The following UGP2 variants were observed in gnomAD, a reference collection of about 807,000 sequenced individuals.
The protein encoded by UGP2 is UDP-glucose pyrophosphorylase 2.
A neutral mutation model predicts 49.0 loss-of-function variants in UGP2; 40 were observed. That is an observed-to-expected ratio of 0.82 (90% confidence interval 0.63 to 1.06). The LOEUF (loss-of-function observed/expected upper bound fraction) is 1.06, where lower values mean the gene tolerates loss of function less well. Ranked by LOEUF, UGP2 falls within the 50% of genes least tolerant of loss-of-function variation. UGP2 has a pLI of 0.00. For missense variants in UGP2, 460 were observed against 603.5 expected (o/e 0.76, Z 2.49); for synonymous variants, 225 against 213.0 (o/e 1.06, Z -0.49).
intron 2 of UGP2, chr2:63,856,873 A>C (rs62136367): frequency 0.027 from 12,377 of 454,902 alleles, 304 homozygotes; most frequent in South Asian, 0.068. Context: ...TTTTACTTGT[A>C]AATCAATAGG....
chr2:63,885,592 C>A lies in UGP2; in HGVS notation c.579C>A (p.Tyr193Ter). ...VKIYTFNQSR[Y>*]PRINKESLLP... ...AAGAACTTTTTTTTTTTTAAAGGTA[C>A]CCGAGGATTAATAAAGAATCTTTAC... Residue 193 changes from tyrosine to a stop codon, truncating the protein, a stop_gained, in exon 6 of 10, where the codon TAC (tyrosine) becomes TAA (stop). Transcript: ENST00000337130. LOFTEE classifies it high-confidence loss of function. 6.5e-7 allele frequency: 1 copy of A among 1,538,326 alleles called. No individual in the cohort carries two copies. The highest frequency in any genetic ancestry group is 1.3e-5 in the South Asian group (1 of 79,050).
intron 1 of UGP2, among the ~76,000 whole-genome samples, chr2:63,844,938 G>A (rs1383465195): frequency 2.0e-5 from 3 of 152,138 alleles, no homozygotes; most frequent in Admixed American, 6.5e-5. Context: ...ATTAACAACT[G>A]TGGAAATGGC....
intron 3 of UGP2, among the ~76,000 whole-genome samples, chr2:63,877,236 A>C (rs1208366724): frequency 2.0e-5 from 3 of 152,222 alleles, no homozygotes; most frequent in African/African-American, 7.2e-5. Flanking sequence ...TTGTTGGAGG[A>C]GCAAGATATT....
At chr2:63,861,002 T>C (rs1224147570) in intron 3 of UGP2, among the ~76,000 whole-genome samples, 1 of 152,070 alleles carries the variant, frequency 6.6e-6, no homozygotes. Flanking sequence ...AGTGAGTACA[T>C]AGATGTTTTG....
intron 3 of UGP2, among the ~76,000 whole-genome samples, chr2:63,863,884 A>G (rs529882549): frequency 6.6e-6 from 1 of 152,230 alleles, no homozygotes; most frequent in East Asian, 1.9e-4. Flanking sequence ...AAGAAGTAGA[A>G]GTAGGCCATT....
chr2:63,887,239 TGGGTGACA>T (rs1671744767), intron 7 of UGP2, among the ~76,000 whole-genome samples, 155 bp from the exon 8 acceptor site: 1 of 151,230 alleles, frequency 6.6e-6, no homozygotes, highest in Non-Finnish European at 1.5e-5. Context: ...CACTCCAGCC[TGGGTGACA>T]GATCAAGACT....
chr2:63,874,743 C>T (rs997785772), intron 3 of UGP2, among the ~76,000 whole-genome samples: 2 of 151,304 alleles, frequency 1.3e-5, no homozygotes, highest in Admixed American at 1.3e-4. Flanking sequence ...AATGAGTTCT[C>T]GTTTCATTAG....
chr2:63,883,765 A>C (rs1401017441), intron 4 of UGP2, among the ~76,000 whole-genome samples, 195 bp from the exon 5 acceptor site: 1 of 152,198 alleles, frequency 6.6e-6, no homozygotes, highest in African/African-American at 2.4e-5. Context: ...GTAGTGATTT[A>C]ATGAGCAAGT....
At chr2:63,884,897 AAAAAT>A (rs1470459241) in intron 5 of UGP2, among the ~76,000 whole-genome samples, 2 of 151,848 alleles carry the variant, frequency 1.3e-5, no homozygotes, top group African/African-American at 2.4e-5. Context: ...ACCCTATCTC[AAAAAT>A]AAAATAAAAA....
intron 3 of UGP2, among the ~76,000 whole-genome samples, chr2:63,864,453 A>G (rs1670045813): frequency 6.6e-6 from 1 of 152,236 alleles, no homozygotes; most frequent in African/African-American, 2.4e-5. Flanking sequence ...ACATTTATTC[A>G]GCACTAATAA....
intron 1 of UGP2, chr2:63,855,587 G>A (rs13028805): frequency 0.18 from 63,238 of 343,638 alleles, 7,573 homozygotes; most frequent in Non-Finnish European, 0.23. Flanking sequence ...TGTCACCCAG[G>A]CTGGAGTGCG....
intron 1 of UGP2, among the ~76,000 whole-genome samples, chr2:63,852,758 A>G (rs1030307561): frequency 6.6e-6 from 1 of 152,220 alleles, no homozygotes; most frequent in Non-Finnish European, 1.5e-5. Context: ...TACAGCAATC[A>G]TTTAAGAAGT....
At chr2:63,890,251 AAAT>A in intron 9 of UGP2, 66 bp downstream of exon 9, 1 of 1,194,818 alleles carries the variant, frequency 8.4e-7, no homozygotes, top group East Asian at 2.4e-5. Flanking sequence ...TTCTAGTCAT[AAAT>A]TTACATTTAC....
intron 3 of UGP2, among the ~76,000 whole-genome samples, chr2:63,866,702 A>G (rs2104308201): frequency 6.6e-6 from 1 of 152,322 alleles, no homozygotes; most frequent in East Asian, 1.9e-4. Flanking sequence ...GAGAATAAGA[A>G]TGCAAATAGG....
Position 63,887,403 on chromosome 2 carries a change from C to G in UGP2, c.1073C>G (p.Thr358Ser), listed in dbSNP as rs1263791730. The change falls in exon 8 of 10, where the codon ACT becomes AGT. Residue 358 changes from threonine to serine, a missense_variant and splice_region_variant. This residue lies in a region of UGP2 where 317 missense variants were observed against 473.0 expected (regional missense o/e 0.67). Coordinates refer to ENST00000337130, the MANE Select transcript of UGP2 (RefSeq NM_006759.4). ...TTCCCCACCCCTAATTTCTTACAGA[C>G]TTTGGATGGAGGCCTGAATGTCATT... ...IDMEIIVNAKTLDGGLNVIQL... is the reference protein window; with the variant it reads ...IDMEIIVNAKSLDGGLNVIQL... The G allele has an allele frequency of 6.2e-7, 1 of 1,613,806 alleles. No individual in the cohort carries two copies. Among genetic ancestry groups the G allele is most frequent in the Non-Finnish European group, 8.5e-7 (1 of 1,179,976 alleles).
At chr2:63,886,312 GA>G (rs1305353027) in intron 6 of UGP2, 28 bp from the exon 7 acceptor site, 3 of 1,605,842 alleles carry the variant, frequency 1.9e-6, no homozygotes, top group Admixed American at 1.7e-5. Context: ...GACTGATGTG[GA>G]GGCACTCACT....
At position 63,891,010 on chromosome 2, in the gene UGP2, A is replaced by G. The variant is rs997372561; in HGVS notation, c.1420-110A>G. ...TCATGTTTAATATTGTTTATAAAAA[A>G]AGTTACTTCACTGTAAAAAAAAAAA... On this transcript the variant is annotated intron_variant, in intron 9 of 9. Transcript: ENST00000337130. 5.6e-6 allele frequency: 4 copies of G among 709,902 alleles called. No individual in the cohort carries two copies. The African/African-American group carries it at 5.7e-5, about 10-fold the overall frequency. 44.0% of individuals were successfully genotyped at this position (709,902 alleles called of 1,614,324 possible). A position where few individuals can be genotyped will look rare whatever the true frequency, so the allele number is the denominator to read the frequency against.
chr2:63,866,243 G>A (rs1303277077), intron 3 of UGP2, among the ~76,000 whole-genome samples: 1 of 152,226 alleles, frequency 6.6e-6, no homozygotes, highest in African/African-American at 2.4e-5. Flanking sequence ...ATGACACACA[G>A]CTCTGGGTCA....
rs371937586 is a variant in UGP2, at chr2:63,887,497, G to A, written c.1167G>A (p.Arg389=). Residue 389 remains arginine, a synonymous_variant, in exon 8 of 10, where the codon AGG becomes AGA. Coordinates refer to ENST00000337130, the MANE Select transcript of UGP2 (RefSeq NM_006759.4). ...FENSLGINVP[R]SRFLPVKTTS... is the part of the protein sequence containing the mutation. ...ATTCTCTAGGTATTAATGTGCCAAG[G>A]AGCCGTTTTCTGCCTGTCAAAACCA... The A allele has an allele frequency of 6.2e-7, 1 of 1,614,042 alleles. No individual in the cohort carries two copies. The highest frequency in any genetic ancestry group is 8.5e-7 in the Non-Finnish European group (1 of 1,180,018).
Sources: allele counts gnomAD v4.1 joint callset (sites outside exome capture counted in the v4.1 genomes callset), GRCh38; gene constraint gnomAD v4.1.1; regional missense constraint gnomAD v4.1.1; transcripts MANE v1.5; gene names NCBI Gene and HGNC (gene_info 2026-07-23, HGNC 2026-07-21).